ARID1B: variants seen among roughly 807,000 people sequenced by gnomAD.
The protein encoded by ARID1B is AT-rich interactive domain-containing protein 1B.
ARID1B carries 30 observed loss-of-function variants against 212.3 expected under a neutral mutation model. The observed-to-expected ratio is 0.14, with a 90% CI of 0.11 to 0.19. The LOEUF (loss-of-function observed/expected upper bound fraction) is 0.19. Ranked by LOEUF, ARID1B falls within the 10% of genes least tolerant of loss-of-function variation. The probability of loss-of-function intolerance (pLI) is 1.00; values close to 1 mark genes in which losing one functional copy is unlikely to be tolerated. For synonymous variants in ARID1B, 1,402 were observed against 1,301.7 expected (o/e 1.08, Z -1.66); for missense variants, 2,891 against 3,204.0 (o/e 0.90, Z 2.36).
intron 2 of ARID1B, among the ~76,000 whole-genome samples, chr6:156,840,794 C>T (rs1270105932): frequency 5.1e-5 from 7 of 136,392 alleles, no homozygotes; most frequent in Non-Finnish European, 9.7e-5. Context: ...GTGTCATGTC[C>T]GGGGTCTGTG....
intron 2 of ARID1B, among the ~76,000 whole-genome samples, chr6:156,894,933 A>G (rs1788263230): frequency 2.0e-5 from 3 of 152,210 alleles, no homozygotes; most frequent in Admixed American, 2.0e-4. Flanking sequence ...GTCAACAGAC[A>G]TTCACCGAGC....
chr6:157,096,850 A>G (rs889821439), intron 5 of ARID1B, among the ~76,000 whole-genome samples: 7 of 152,244 alleles, frequency 4.6e-5, no homozygotes, highest in South Asian at 2.1e-4. Flanking sequence ...GTGCAACTCT[A>G]TATCTCTTGA....
chr6:156,940,332 A>G (rs1430675353), intron 4 of ARID1B: 1 of 152,244 alleles, frequency 6.6e-6, no homozygotes, highest in African/African-American at 2.4e-5. Flanking sequence ...AGAGGTTGGC[A>G]TGAAAACGGT....
chr6:157,195,975 C>T (rs1206014401), intron 15 of ARID1B, 190 bp from the exon 16 acceptor site: 12 of 555,980 alleles, frequency 2.2e-5, no homozygotes, highest in South Asian at 4.8e-5. Context: ...GCAGGAGAAT[C>T]GCCTGAACCC....
chr6:157,132,749 A>G (rs1788634566), intron 6 of ARID1B, among the ~76,000 whole-genome samples: 1 of 152,092 alleles, frequency 6.6e-6, no homozygotes, highest in Non-Finnish European at 1.5e-5. Context: ...GGTTAAGGTC[A>G]TTTGCCTTTT....
chr6:157,039,684 TCCTTCCTTCC>T (rs879565376), intron 4 of ARID1B, among the ~76,000 whole-genome samples: 7,900 of 105,974 alleles, frequency 0.075, 420 homozygotes, highest in Non-Finnish European at 0.11. Context: ...CTTCCTTCCT[TCCTTCCTTCC>T]TTCTTTCTTT....
chr6:156,888,529 A>G (rs1012534), intron 2 of ARID1B, among the ~76,000 whole-genome samples: 69,633 of 152,130 alleles, frequency 0.46, 16,169 homozygotes, highest in African/African-American at 0.55. Context: ...GACATTCACG[A>G]ATTCAAAATT....
At chr6:156,860,366 A>G (rs1274929162) in intron 2 of ARID1B, among the ~76,000 whole-genome samples, 1 of 146,034 alleles carries the variant, frequency 6.8e-6, no homozygotes, top group African/African-American at 2.5e-5. Context: ...AAATTGATCT[A>G]TTTTGGTTTT....
rs1472755796 is a variant in ARID1B at position 157,181,198 on chromosome 6, G to T, written c.3714+20G>T. 1.2e-6 allele frequency: 2 copies of T among 1,610,912 alleles called. No individual in the cohort carries two copies. The highest frequency in any genetic ancestry group is 3.3e-5 in the Admixed American group (2 of 59,712). The stretch of plus-strand genomic sequence containing the variant: ...GCCCAGGTAAGAATGAGTGAGGGAG[G>T]GGGTGAAAAAGGAAGCATTGTGGAT... On this transcript the variant is annotated intron_variant, in intron 12 of 19. Coordinates refer to ENST00000636930, the MANE Select transcript of ARID1B (RefSeq NM_001374828.1).
At chr6:156,833,330 T>G (rs1377928290) in intron 2 of ARID1B, among the ~76,000 whole-genome samples, 1 of 152,222 alleles carries the variant, frequency 6.6e-6, no homozygotes, top group Non-Finnish European at 1.5e-5. Flanking sequence ...CCTAGGCCTT[T>G]ACCAACTTGT....
chr6:156,874,263 C>A, intron 2 of ARID1B, among the ~76,000 whole-genome samples: 1 of 152,174 alleles, frequency 6.6e-6, no homozygotes, highest in East Asian at 1.9e-4. Context: ...CAGGATCTAC[C>A]TGTGTTACCC....
At chr6:156,988,338 T>C (rs1389302286) in intron 4 of ARID1B, among the ~76,000 whole-genome samples, 1 of 152,208 alleles carries the variant, frequency 6.6e-6, no homozygotes, top group East Asian at 1.9e-4. Flanking sequence ...TTAAGTGAGG[T>C]GACTCACATT....
intron 2 of ARID1B, among the ~76,000 whole-genome samples, chr6:156,885,925 C>A (rs1787466433): frequency 6.6e-6 from 1 of 152,138 alleles, no homozygotes; most frequent in African/African-American, 2.4e-5. Flanking sequence ...TATCCCTCAT[C>A]TGAAAATCCA....
At chr6:157,112,555 C>G (rs1468133662) in intron 6 of ARID1B, among the ~76,000 whole-genome samples, 2 of 152,094 alleles carry the variant, frequency 1.3e-5, no homozygotes, top group East Asian at 1.9e-4. Context: ...GGTAAAAGTT[C>G]CCTTATTTGA....
At chr6:156,929,541 A>T (rs912753808) in intron 3 of ARID1B, among the ~76,000 whole-genome samples, 2 of 152,230 alleles carry the variant, frequency 1.3e-5, no homozygotes, top group Non-Finnish European at 2.9e-5. Context: ...AAGCACAAAG[A>T]GAAAAGGATC....
intron 1 of ARID1B, among the ~76,000 whole-genome samples, chr6:156,812,933 G>GGTGTGTGT (rs71027314): frequency 6.7e-5 from 6 of 89,436 alleles, no homozygotes; most frequent in East Asian, 5.9e-4. Flanking sequence ...TATAATCCTG[G>GGTGTGTGT]GTGTGTGTGT....
chr6:156,949,650 C>T (rs1793431821), intron 4 of ARID1B, among the ~76,000 whole-genome samples: 1 of 152,196 alleles, frequency 6.6e-6, no homozygotes, highest in African/African-American at 2.4e-5. Context: ...AACCCCAATG[C>T]TGCAGTACTC....
intron 3 of ARID1B, among the ~76,000 whole-genome samples, chr6:156,913,992 C>G (rs1254946891): frequency 6.7e-6 from 1 of 148,686 alleles, no homozygotes; most frequent in Non-Finnish European, 1.5e-5. Context: ...TCTCCACTCC[C>G]CAACTCCCAG....
intron 8 of ARID1B, among the ~76,000 whole-genome samples, chr6:157,155,369 C>T (rs547002949): frequency 4.6e-5 from 7 of 152,094 alleles, no homozygotes; most frequent in African/African-American, 1.7e-4. Flanking sequence ...TAAAGGTGCA[C>T]ACCTACATGA....
Sources: allele counts gnomAD v4.1 joint callset (sites outside exome capture counted in the v4.1 genomes callset), GRCh38; gene constraint gnomAD v4.1.1; transcripts MANE v1.5; gene names NCBI Gene and HGNC (gene_info 2026-07-23, HGNC 2026-07-21).